Variants in ASH2L observed in about 807,000 individuals in gnomAD.
The protein encoded by ASH2L is ASH2 like, histone lysine methyltransferase complex subunit.
ASH2L carries 30 observed loss-of-function variants against 81.1 expected under a neutral mutation model. That is an observed-to-expected ratio of 0.37 (90% CI 0.28 to 0.50). The LOEUF is 0.50. ASH2L is among the 20% of genes least tolerant of loss of function. ASH2L has a pLI of 0.95. For missense variants in ASH2L, 559 were observed against 792.1 expected (o/e 0.71, Z 3.53); for synonymous variants, 273 against 279.9 (o/e 0.98, Z 0.24).
chr8:38,110,211 G>A (rs2130479092), intron 3 of ASH2L, among the ~76,000 whole-genome samples, 168 bp from the exon 4 acceptor site: 1 of 152,308 alleles, frequency 6.6e-6, no homozygotes, highest in Admixed American at 6.5e-5. Flanking sequence ...TTGGGGGGCT[G>A]AAGTGGGAGA....
At chr8:38,130,250 T>C (rs1200555287) in intron 12 of ASH2L, among the ~76,000 whole-genome samples, 2 of 147,874 alleles carry the variant, frequency 1.4e-5, no homozygotes, top group Non-Finnish European at 3.0e-5. Flanking sequence ...TTTTTTTAAG[T>C]TTAAATTTTT....
chr8:38,133,620 G>A (rs1227380030), intron 13 of ASH2L, 74 bp downstream of exon 13: 16 of 1,179,268 alleles, frequency 1.4e-5, no homozygotes, highest in Non-Finnish European at 1.9e-5. Context: ...TTATAAAAGT[G>A]AGGAACACGA....
At chr8:38,128,489 G>T (rs745739399) in intron 11 of ASH2L, 31 bp downstream of exon 11, 1 of 1,608,818 alleles carries the variant, frequency 6.2e-7, no homozygotes, top group Non-Finnish European at 8.5e-7. Flanking sequence ...GGACATCACA[G>T]CAGATAGAGA....
rs1810916403 is a variant in ASH2L at position 38,116,668 on chromosome 8, C to T, written c.796C>T (p.Pro266Ser). The T allele has an allele frequency of 6.2e-7, 1 of 1,612,776 alleles. No homozygotes were observed. ...LLDQDLSNIG[P>S]AYDNQKQSSA... ...TTTGCAGGACCTTAGTAACATTGGTCCTGCTTATGACAACCAAAAACAGAG... is the reference window on the plus strand; with the variant it reads ...TTTGCAGGACCTTAGTAACATTGGTTCTGCTTATGACAACCAAAAACAGAG... The change falls in exon 8 of 16, where the codon CCT (proline) becomes TCT (serine). Residue 266 changes from proline (P) to serine (S), a missense_variant. This residue lies in a region of ASH2L where 318 missense variants were observed against 527.0 expected (regional missense o/e 0.60). Coordinates refer to ENST00000343823, the MANE Select transcript of ASH2L (RefSeq NM_004674.5).
At chr8:38,109,344 C>T (rs552132073) in intron 3 of ASH2L, among the ~76,000 whole-genome samples, 8 of 152,264 alleles carry the variant, frequency 5.3e-5, no homozygotes, top group African/African-American at 7.2e-5. Flanking sequence ...AAGAATGTTT[C>T]GTAATTCCAT....
chr8:38,118,932 G>C (rs1323471404), intron 8 of ASH2L, among the ~76,000 whole-genome samples: 3 of 152,138 alleles, frequency 2.0e-5, no homozygotes. Context: ...TTTAGCTGTG[G>C]GTGTTTGGGA....
At chr8:38,121,368 T>C (rs1811143174) in intron 10 of ASH2L, among the ~76,000 whole-genome samples, 1 of 142,742 alleles carries the variant, frequency 7.0e-6, no homozygotes, top group African/African-American at 2.6e-5. Context: ...TATATATATA[T>C]ATATATATAT....
At chr8:38,135,052 TAAAA>T in intron 13 of ASH2L, among the ~76,000 whole-genome samples, 1 of 145,318 alleles carries the variant, frequency 6.9e-6, no homozygotes. Context: ...CAGCTTACTT[TAAAA>T]AAAAAAAAAA....
intron 3 of ASH2L, among the ~76,000 whole-genome samples, chr8:38,109,794 C>G (rs1283324492): frequency 6.6e-6 from 1 of 152,174 alleles, no homozygotes; most frequent in Non-Finnish European, 1.5e-5. Context: ...TTTCCAACCA[C>G]ATTATTGACA....
chr8:38,116,900 G>A (rs1364895465), intron 8 of ASH2L, among the ~76,000 whole-genome samples, 175 bp downstream of exon 8: 1 of 152,336 alleles, frequency 6.6e-6, no homozygotes, highest in East Asian at 1.9e-4. Flanking sequence ...TAATAGAGGA[G>A]AACTTTTTGT....
At chr8:38,120,890 AG>A (rs760168947) in intron 9 of ASH2L, 41 bp from the exon 10 acceptor site, 2 of 1,546,596 alleles carry the variant, frequency 1.3e-6, no homozygotes, top group East Asian at 2.2e-5. Flanking sequence ...TTTGAGCTAA[AG>A]GGGGTTTTAG....
chr8:38,116,783 C>A, intron 8 of ASH2L, 58 bp downstream of exon 8: 1 of 1,411,734 alleles, frequency 7.1e-7, no homozygotes. Flanking sequence ...TCCAGTTGTG[C>A]CTAGAACTGG....
At chr8:38,116,514 T>C (rs544885296) in intron 7 of ASH2L, 136 bp from the exon 8 acceptor site, 15 of 698,296 alleles carry the variant, frequency 2.1e-5, no homozygotes, top group Middle Eastern at 3.7e-4. Flanking sequence ...GACTGGGCAA[T>C]AGAGTAAGGC....
intron 11 of ASH2L, 56 bp downstream of exon 11, chr8:38,128,514 G>T: frequency 6.3e-7 from 1 of 1,584,434 alleles, no homozygotes; most frequent in Non-Finnish European, 8.6e-7. Flanking sequence ...AGACCATCTG[G>T]CCAAGGGCTA....
At position 38,105,661 on chromosome 8, in the gene ASH2L, G is replaced by A. The variant is rs1810387461; in HGVS notation, c.111G>A (p.Ala37=). The change falls in exon 1 of 16, where the codon GCG becomes GCA. Residue 37 remains alanine, a synonymous_variant. Transcript: ENST00000343823. The part of the protein sequence containing the change: ...AEEGEMKPVA[A]GAAAPPGEGI... ...AGGGGGAGATGAAGCCGGTGGCAGCGGGAGCAGCCGCTCCTCCTGGAGAGG... is the reference window on the plus strand; with the variant it reads ...AGGGGGAGATGAAGCCGGTGGCAGCAGGAGCAGCCGCTCCTCCTGGAGAGG... The A allele has an allele frequency of 6.3e-7, 1 of 1,592,048 alleles. No homozygotes were observed. The highest frequency in any genetic ancestry group is 1.8e-5 in the Admixed American group (1 of 55,972).
At chr8:38,133,097 AAAAG>A (rs1432184479) in intron 12 of ASH2L, among the ~76,000 whole-genome samples, 1 of 152,220 alleles carries the variant, frequency 6.6e-6, no homozygotes, top group East Asian at 1.9e-4. Flanking sequence ...CAAAAAAAAA[AAAAG>A]AATAAGAGAT....
At chr8:38,106,982 C>T (rs1810462662) in intron 2 of ASH2L, 39 bp from the exon 3 acceptor site, 1 of 1,610,930 alleles carries the variant, frequency 6.2e-7, no homozygotes. Flanking sequence ...AAAATACATT[C>T]AAGTCAACTG....
chr8:38,128,167 T>A (rs535844448), intron 10 of ASH2L, 124 bp from the exon 11 acceptor site: 1 of 1,182,722 alleles, frequency 8.5e-7, no homozygotes, highest in Admixed American at 2.6e-5. Context: ...TCAACTAATA[T>A]TTCAAACACC....
chr8:38,109,676 A>T (rs1016530051), intron 3 of ASH2L, among the ~76,000 whole-genome samples: 4 of 152,048 alleles, frequency 2.6e-5, no homozygotes, highest in African/African-American at 9.7e-5. Context: ...ATGTCAGGTG[A>T]TCCATGCGCC....
Sources: allele counts gnomAD v4.1 joint callset (sites outside exome capture counted in the v4.1 genomes callset), GRCh38; gene constraint gnomAD v4.1.1; regional missense constraint gnomAD v4.1.1; transcripts MANE v1.5; gene names NCBI Gene and HGNC (gene_info 2026-07-23, HGNC 2026-07-21).